The following ROBO2 variants were observed in gnomAD, a reference collection of about 807,000 sequenced individuals.
The protein encoded by ROBO2 is roundabout guidance receptor 2, also known as roundabout homolog 2.
In ROBO2, 53 loss-of-function variants were observed where a neutral mutation model predicts 160.8. The observed-to-expected ratio is 0.33, with a 90% CI of 0.26 to 0.41. The LOEUF (loss-of-function observed/expected upper bound fraction) is 0.41, where lower values mean the gene tolerates loss of function less well. ROBO2 is among the 10% of genes least tolerant of loss of function. ROBO2 has a pLI of 1.00. For missense variants in ROBO2, 1,577 were observed against 1,722.4 expected, an observed-to-expected ratio of 0.92 and a Z score of 1.49; for synonymous variants, 664 against 611.7, an observed-to-expected ratio of 1.09 and a Z score of -1.26.
rs188244815 is a variant in ROBO2, at chr3:77,301,329, G to A, written c.389-176085G>A. On this transcript the variant is annotated intron_variant, in intron 2 of 25. Coordinates refer to ENST00000461745, the Ensembl canonical transcript of ROBO2. ...CAGAATAATTATTCTGGGGGAGACT[G>A]GTGTTAAAACAGTTCCCACCATAGC... 2.9e-3 allele frequency among the ~76,000 whole-genome samples: 434 copies of A among 152,102 alleles called. 1 individual carries two copies. Among genetic ancestry groups the A allele is most frequent in the African/African-American group, 9.9e-3 (411 of 41,506 alleles).
intron 2 of ROBO2, among the ~76,000 whole-genome samples, chr3:76,182,460 T>G (rs923415112): frequency 2.0e-5 from 3 of 152,150 alleles, no homozygotes; most frequent in Non-Finnish European, 4.4e-5. Context: ...AACATGAAAG[T>G]AGGCTCAATT....
chr3:76,435,131 G>A lies in ROBO2; in HGVS notation c.109+497529G>A, dbSNP rs879171940. On this transcript the variant is annotated intron_variant, in intron 2 of 26. Transcript: ENST00000487694. ...CCATTACAGTAGATAACTGTAAGAAGCTTGGTCTGGTATTTGATGACATGG... is the reference window on the plus strand; with the variant it reads ...CCATTACAGTAGATAACTGTAAGAAACTTGGTCTGGTATTTGATGACATGG... 18 of 977,822 alleles carry A rather than the reference G, an allele frequency of 1.8e-5. No homozygotes were observed. The East Asian group carries it at 3.8e-4, about 21-fold the overall frequency. 60.6% of individuals were successfully genotyped at this position (977,822 alleles called of 1,614,324 possible). A position where few individuals can be genotyped will look rare whatever the true frequency, so the allele number is the denominator to read the frequency against.
chr3:77,095,118 T>G (rs1192943390), intron 1 of ROBO2, among the ~76,000 whole-genome samples: 1 of 152,118 alleles, frequency 6.6e-6, no homozygotes, highest in Non-Finnish European at 1.5e-5. Context: ...AAAACTTGCC[T>G]CTATAATTTC....
intron 2 of ROBO2, among the ~76,000 whole-genome samples, chr3:77,404,782 A>G (rs2076127473): frequency 6.6e-6 from 1 of 152,198 alleles, no homozygotes; most frequent in Non-Finnish European, 1.5e-5. Flanking sequence ...TTAAAAATCC[A>G]AAAGAATAAA....
chr3:76,532,534 A>C (rs1380811541), intron 2 of ROBO2, among the ~76,000 whole-genome samples: 2 of 152,180 alleles, frequency 1.3e-5, no homozygotes, highest in Non-Finnish European at 2.9e-5. Context: ...TGATACAGAC[A>C]ATTTGCCTTA....
chr3:76,856,810 AC>A (rs1335389945), intron 2 of ROBO2, among the ~76,000 whole-genome samples: 5 of 152,316 alleles, frequency 3.3e-5, no homozygotes, highest in Admixed American at 2.6e-4. Context: ...ATCATAAACA[AC>A]CCTGTATTAG....
intron 6 of ROBO2, among the ~76,000 whole-genome samples, chr3:77,532,917 G>C (rs1345128890): frequency 2.0e-5 from 3 of 151,906 alleles, no homozygotes; most frequent in Non-Finnish European, 4.4e-5. Context: ...GAAGACACAG[G>C]TTCTTTATCT....
At chr3:76,774,255 T>C (rs1407380402) in intron 2 of ROBO2, among the ~76,000 whole-genome samples, 1 of 150,882 alleles carries the variant, frequency 6.6e-6, no homozygotes, top group Non-Finnish European at 1.5e-5. Flanking sequence ...CCAAGCTAAC[T>C]CTGAAACTCT....
chr3:76,608,072 T>C (rs1254521823), intron 2 of ROBO2, among the ~76,000 whole-genome samples: 5 of 152,242 alleles, frequency 3.3e-5, no homozygotes, highest in Non-Finnish European at 1.5e-5. Flanking sequence ...AAATCCTCCA[T>C]AAAGTTTTAC....
intron 2 of ROBO2, among the ~76,000 whole-genome samples, chr3:76,880,555 T>A (rs908260482): frequency 6.6e-6 from 1 of 152,164 alleles, no homozygotes; most frequent in Non-Finnish European, 1.5e-5. Context: ...TCATTAGACA[T>A]GTTAGTATGG....
intron 2 of ROBO2, among the ~76,000 whole-genome samples, chr3:76,773,028 T>C (rs753544174): frequency 1.1e-4 from 16 of 151,002 alleles, no homozygotes; most frequent in Non-Finnish European, 2.4e-4. Context: ...CAATGTAAAG[T>C]TAAAGGCGAA....
intron 2 of ROBO2, among the ~76,000 whole-genome samples, chr3:77,209,555 G>T (rs1360135189): frequency 1.3e-5 from 2 of 152,272 alleles, no homozygotes; most frequent in East Asian, 3.9e-4. Flanking sequence ...GTCATTTAAT[G>T]GTAGAACCAG....
intron 2 of ROBO2, among the ~76,000 whole-genome samples, chr3:76,935,687 G>T (rs2077653363): frequency 6.6e-6 from 1 of 152,116 alleles, no homozygotes; most frequent in Non-Finnish European, 1.5e-5. Context: ...ATTCACAGAT[G>T]GTGCCTTCTA....
intron 2 of ROBO2, among the ~76,000 whole-genome samples, chr3:76,456,699 GC>G (rs1313135739): frequency 6.6e-6 from 1 of 152,100 alleles, no homozygotes; most frequent in Non-Finnish European, 1.5e-5. Flanking sequence ...AATTTGAATA[GC>G]CTTTGTTTTA....
chr3:77,303,847 T>A (rs1251765681), intron 2 of ROBO2, among the ~76,000 whole-genome samples: 1 of 152,094 alleles, frequency 6.6e-6, no homozygotes, highest in African/African-American at 2.4e-5. Flanking sequence ...CAGAAATGTA[T>A]CTGGGGACAT....
chr3:75,948,420 A>AT (rs2107160799), intron 2 of ROBO2, among the ~76,000 whole-genome samples: 1 of 152,132 alleles, frequency 6.6e-6, no homozygotes, highest in East Asian at 1.9e-4. Context: ...TGATAACTTA[A>AT]TTTTTTTATT....
intron 2 of ROBO2, among the ~76,000 whole-genome samples, chr3:76,652,180 ATCT>A (rs1385930084): frequency 2.6e-5 from 4 of 152,230 alleles, no homozygotes; most frequent in Non-Finnish European, 4.4e-5. Flanking sequence ...CCATGATTTT[ATCT>A]TCTTCTGACC....
At chr3:77,399,886 G>C (rs770830962) in intron 2 of ROBO2, among the ~76,000 whole-genome samples, 2 of 152,106 alleles carry the variant, frequency 1.3e-5, no homozygotes, top group Non-Finnish European at 2.9e-5. Context: ...ACAGCTCTAG[G>C]AGTCATGGTG....
chr3:76,846,321 C>T (rs981044927), intron 2 of ROBO2, among the ~76,000 whole-genome samples: 7 of 152,016 alleles, frequency 4.6e-5, no homozygotes, highest in South Asian at 2.1e-4. Context: ...TTGAAAGAAA[C>T]GCTTTACCTA....
Sources: gnomAD v4.1 joint callset for allele counts (sites outside exome capture counted in the v4.1 genomes callset) on GRCh38, gnomAD v4.1.1 for gene constraint, MANE v1.5 for transcripts, NCBI Gene and HGNC (gene_info 2026-07-23, HGNC 2026-07-21) for gene names.